ZNF704: variants seen among roughly 807,000 people sequenced by gnomAD.
The protein encoded by ZNF704 is glucocorticoid induced gene 1.
In ZNF704, 10 loss-of-function variants were observed where a neutral mutation model predicts 44.7. That is an observed-to-expected ratio of 0.22 (90% CI 0.14 to 0.38). The LOEUF is 0.38. Ranked by LOEUF, ZNF704 falls within the 10% of genes least tolerant of loss-of-function variation. ZNF704 has a pLI of 1.00. For synonymous variants in ZNF704, 211 were observed against 207.6 expected, an observed-to-expected ratio of 1.02 and a Z score of -0.14; for missense variants, 390 against 545.5, an observed-to-expected ratio of 0.71 and a Z score of 2.84.
chr8:80,821,473 C>A lies in ZNF704; in HGVS notation c.122G>T (p.Ser41Ile), dbSNP rs1323794549. Residue 41 changes from serine (S) to isoleucine (I), a missense_variant, in exon 2 of 9, where the codon AGC becomes ATC. By Grantham distance (142) the Ser-to-Ile change is moderately radical. Around this residue, in one of 3 missense-constraint regions of ZNF704, gnomAD observed 80 missense variants for 83.7 expected, o/e 0.96. Transcript: ENST00000327835. Reference sequence around the variant, plus strand: ...TTCTTTTTCATGGTCAAGGATCCGGCTGGCTTTTTTGGTGTCTGCTGTTTT... The same window carrying A: ...TTCTTTTTCATGGTCAAGGATCCGGATGGCTTTTTTGGTGTCTGCTGTTTT... ...DVKTADTKKA[S>I]RILDHEKENT... is the part of the protein sequence containing the mutation. The A allele has an allele frequency of 1.9e-6, 3 of 1,614,034 alleles. No homozygotes were observed. Among genetic ancestry groups the A allele is most frequent in the Non-Finnish European group, 1.7e-6 (2 of 1,180,020 alleles).
chr8:80,804,876 A>T (rs755922471), intron 2 of ZNF704, among the ~76,000 whole-genome samples: 1 of 152,148 alleles, frequency 6.6e-6, no homozygotes, highest in Non-Finnish European at 1.5e-5. Context: ...AACACCAAAA[A>T]TGCAAAGCTG....
At chr8:80,652,747 G>A (rs1817944059) in intron 7 of ZNF704, among the ~76,000 whole-genome samples, 3 of 152,138 alleles carry the variant, frequency 2.0e-5, no homozygotes, top group Admixed American at 6.5e-5. Flanking sequence ...GTACAAGGAG[G>A]AGCTGGTACC....
At chr8:80,807,279 T>C (rs185560909) in intron 2 of ZNF704, among the ~76,000 whole-genome samples, 10 of 152,314 alleles carry the variant, frequency 6.6e-5, no homozygotes, top group African/African-American at 2.2e-4. Context: ...AACCTGCCTC[T>C]GGGTGCCACA....
At chr8:80,821,695 A>G in intron 1 of ZNF704, 80 bp from the exon 2 acceptor site, 1 of 1,006,960 alleles carries the variant, frequency 9.9e-7, no homozygotes, top group Non-Finnish European at 1.5e-6. Flanking sequence ...GTGAGGAGAG[A>G]TTACAGACAC....
rs1817604249 is a variant in ZNF704 at position 80,632,560 on chromosome 8, A to C, written c.*8806T>G. On this transcript the variant is annotated 3_prime_UTR_variant, in exon 9 of 9. Coordinates refer to ENST00000327835, the MANE Select transcript of ZNF704 (RefSeq NM_001033723.3). ...TAGCAAGATAATGTAATAGTTAATT[A>C]GACTTGAGAATTGATTTTTAGTATT... The C allele has an allele frequency of 6.6e-6, 1 of 152,272 alleles. No homozygotes were observed. The highest frequency in any genetic ancestry group is 1.5e-5 in the Non-Finnish European group (1 of 68,056). 9.4% of individuals were successfully genotyped at this position (152,272 alleles called of 1,614,324 possible).
rs916543994 is a variant in ZNF704 at position 80,674,603 on chromosome 8, T to C, written c.559-4000A>G. 2.0e-5 allele frequency among the ~76,000 whole-genome samples: 3 copies of C among 152,152 alleles called. No homozygotes were observed. In the East Asian group the frequency reaches 5.8e-4, roughly 29 times the overall value. On this transcript the variant is annotated intron_variant, in intron 4 of 8. Coordinates refer to ENST00000327835, the MANE Select transcript of ZNF704 (RefSeq NM_001033723.3). Reference sequence around the variant, plus strand: ...TCTCTCAAAAACCAATCCAGTCTCATGAGAGTGAGACTCTCATGCCATGTG... The same window carrying C: ...TCTCTCAAAAACCAATCCAGTCTCACGAGAGTGAGACTCTCATGCCATGTG...
At chr8:80,804,229 G>A (rs1250927333) in intron 2 of ZNF704, among the ~76,000 whole-genome samples, 3 of 152,138 alleles carry the variant, frequency 2.0e-5, no homozygotes, top group Non-Finnish European at 2.9e-5. Context: ...ACTGTTGGGA[G>A]TGTAAATTAG....
chr8:80,856,337 TTG>T (rs1375726736), intron 1 of ZNF704, among the ~76,000 whole-genome samples: 3 of 150,936 alleles, frequency 2.0e-5, no homozygotes, highest in African/African-American at 7.4e-5. Context: ...TTGATTTTTT[TTG>T]TTTGTTTAAA....
chr8:80,880,384 C>T, the ZNF704 span, among the ~76,000 whole-genome samples: 1 of 152,100 alleles, frequency 6.6e-6, no homozygotes, highest in African/African-American at 2.4e-5. Flanking sequence ...CATGAAAGGC[C>T]ACCATATGTT....
chr8:80,679,395 GCT>G lies in ZNF704; in HGVS notation c.558+7829_558+7830del, dbSNP rs1491471013. 5.2e-4 allele frequency among the ~76,000 whole-genome samples: 77 copies of G among 149,054 alleles called. 2 individuals carry two copies. Among genetic ancestry groups the G allele is most frequent in the Admixed American group, 1.4e-3 (21 of 15,110 alleles). ...GGGAGGAGGAGAACATGAAAAAATA[GCT>G]AAATAAACAACGCCCAGATTGCTGC... On this transcript the variant is annotated intron_variant, in intron 4 of 8. Transcript: ENST00000327835.
rs1292869478 is a variant in ZNF704, at chr8:80,687,247, C to G, written c.537G>C (p.Glu179Asp). ...EAEASNLLFD[E>D]PIPRKRKNSM... ...CAACCTTTCTTTTCCTGGGAATGGGCTCGTCGAAGAGCAGGTTGCTGGCCT... is the reference window on the plus strand; with the variant it reads ...CAACCTTTCTTTTCCTGGGAATGGGGTCGTCGAAGAGCAGGTTGCTGGCCT... Residue 179 changes from glutamate to aspartate, a missense_variant, in exon 4 of 9, where the codon GAG becomes GAC. Transcript: ENST00000327835. 8 of 1,612,162 alleles carry G rather than the reference C, an allele frequency of 5.0e-6. No homozygotes were observed. Among genetic ancestry groups the G allele is most frequent in the Non-Finnish European group, 5.9e-6 (7 of 1,179,240 alleles).
chr8:80,777,343 C>G (rs1051220549), intron 2 of ZNF704, among the ~76,000 whole-genome samples: 4 of 152,150 alleles, frequency 2.6e-5, no homozygotes, highest in Non-Finnish European at 5.9e-5. Flanking sequence ...GTGAATCTGG[C>G]AGGGCTGACA....
At chr8:80,734,182 A>T (rs955863099) in intron 2 of ZNF704, among the ~76,000 whole-genome samples, 1 of 152,242 alleles carries the variant, frequency 6.6e-6, no homozygotes, top group African/African-American at 2.4e-5. Context: ...GGACCAGATC[A>T]CTAGACAAGC....
At chr8:80,756,563 T>C (rs756907550) in intron 2 of ZNF704, among the ~76,000 whole-genome samples, 8 of 152,216 alleles carry the variant, frequency 5.3e-5, no homozygotes, top group Non-Finnish European at 1.0e-4. Context: ...ACAATTTCTG[T>C]ATATGCACTT....
intron 8 of ZNF704, among the ~76,000 whole-genome samples, chr8:80,641,867 A>G (rs961596824): frequency 2.0e-5 from 3 of 152,174 alleles, no homozygotes; most frequent in African/African-American, 7.2e-5. Flanking sequence ...TTCAGACTCT[A>G]ATATGTGCTG....
chr8:80,730,535 T>G (rs1469821167), intron 2 of ZNF704, among the ~76,000 whole-genome samples: 1 of 73,760 alleles, frequency 1.4e-5, no homozygotes, highest in Non-Finnish European at 2.2e-5. Flanking sequence ...CAAGACTACA[T>G]CTTAAAAAAA....
At chr8:80,840,037 C>T (rs541401933) in intron 1 of ZNF704, among the ~76,000 whole-genome samples, 1 of 152,288 alleles carries the variant, frequency 6.6e-6, no homozygotes, top group Admixed American at 6.5e-5. Context: ...TCCCAGGCAC[C>T]TGCTATATTT....
intron 1 of ZNF704, among the ~76,000 whole-genome samples, chr8:80,823,950 T>C (rs529660889): frequency 6.6e-6 from 1 of 152,160 alleles, no homozygotes; most frequent in African/African-American, 2.4e-5. Context: ...CAAAGGTAGA[T>C]AAAAACCACA....
chr8:80,701,149 C>T (rs1818803738), intron 2 of ZNF704, among the ~76,000 whole-genome samples: 1 of 146,270 alleles, frequency 6.8e-6, no homozygotes, highest in Non-Finnish European at 1.5e-5. Context: ...CTGAATCCTC[C>T]TGTGCTGCTC....
Sources: allele counts gnomAD v4.1 joint callset (sites outside exome capture counted in the v4.1 genomes callset), GRCh38; gene constraint gnomAD v4.1.1; regional missense constraint gnomAD v4.1.1; transcripts MANE v1.5; gene names NCBI Gene and HGNC (gene_info 2026-07-23, HGNC 2026-07-21).